Variants in RPN2 observed in about 807,000 individuals in gnomAD.
The protein encoded by RPN2 is ribophorin II, also known as dolichyl-diphosphooligosaccharide--protein glycosyltransferase subunit 2.
In RPN2, 29 loss-of-function variants were observed where a neutral mutation model predicts 71.4. That is an observed-to-expected ratio of 0.41 (90% CI 0.30 to 0.55). The LOEUF (loss-of-function observed/expected upper bound fraction) is 0.55. RPN2 is among the 20% of genes least tolerant of loss of function. The pLI is 0.35. For synonymous variants in RPN2, 308 were observed against 305.0 expected, an observed-to-expected ratio of 1.01 and a Z score of -0.10; for missense variants, 726 against 774.1, an observed-to-expected ratio of 0.94 and a Z score of 0.74.
At chr20:37,231,184 A>G (rs921653916) in intron 13 of RPN2, among the ~76,000 whole-genome samples, 11 of 152,002 alleles carry the variant, frequency 7.2e-5, no homozygotes, top group Admixed American at 1.3e-4. Flanking sequence ...CCCACCCCCA[A>G]TTTTCCAGCT....
At chr20:37,224,023 G>A in intron 10 of RPN2, 54 bp downstream of exon 10, 2 of 1,478,482 alleles carry the variant, frequency 1.4e-6, no homozygotes, top group Non-Finnish European at 1.9e-6. Context: ...GAGCTGAGAG[G>A]AGTATGCCTA....
intron 11 of RPN2, among the ~76,000 whole-genome samples, chr20:37,227,340 T>C (rs1332924834): frequency 6.6e-6 from 1 of 152,260 alleles, no homozygotes; most frequent in African/African-American, 2.4e-5. Flanking sequence ...TTTCACTGAA[T>C]ACTTGTCTCA....
At chr20:37,186,761 T>A (rs2067018338) in intron 2 of RPN2, among the ~76,000 whole-genome samples, 1 of 152,186 alleles carries the variant, frequency 6.6e-6, no homozygotes, top group South Asian at 2.1e-4. Flanking sequence ...CTTAAGACTC[T>A]TTTCACCGAT....
chr20:37,216,991 C>T (rs1198060975), intron 9 of RPN2, among the ~76,000 whole-genome samples: 7 of 151,282 alleles, frequency 4.6e-5, no homozygotes, highest in East Asian at 1.9e-4. Flanking sequence ...AGTGCAGTGG[C>T]GTGATCATGG....
At chr20:37,195,747 A>G (rs747673353) in intron 2 of RPN2, among the ~76,000 whole-genome samples, 1 of 152,172 alleles carries the variant, frequency 6.6e-6, no homozygotes, top group Non-Finnish European at 1.5e-5. Flanking sequence ...GACAAAGCAC[A>G]CATTTTCAGC....
rs922122538 is a variant in RPN2, at chr20:37,237,591, C to T, written c.1883+882C>T. Among the ~76,000 whole-genome samples the T allele has an allele frequency of 6.6e-5, 10 of 152,214 alleles. No homozygotes were observed. The East Asian group carries it at 1.2e-3, about 18-fold the overall frequency. Reference sequence around the variant, plus strand: ...TGGGAGAAGATGTCTCATCTCCGCCCGAGTCTCCATTGTGAGCTTTCTGAG... The same window carrying T: ...TGGGAGAAGATGTCTCATCTCCGCCTGAGTCTCCATTGTGAGCTTTCTGAG... On this transcript the variant is annotated intron_variant, in intron 16 of 16. Transcript: ENST00000237530.
At chr20:37,235,854 T>G (rs1384463991) in intron 15 of RPN2, among the ~76,000 whole-genome samples, 1 of 152,116 alleles carries the variant, frequency 6.6e-6, no homozygotes, top group Non-Finnish European at 1.5e-5. Context: ...TTCACCATGT[T>G]GGCCAGGGTG....
At chr20:37,213,248 G>T (rs900320665) in intron 8 of RPN2, among the ~76,000 whole-genome samples, 1 of 152,170 alleles carries the variant, frequency 6.6e-6, no homozygotes, top group Non-Finnish European at 1.5e-5. Flanking sequence ...TTTAGGAGTG[G>T]TGGGAGTAAC....
intron 1 of RPN2, among the ~76,000 whole-genome samples, chr20:37,182,957 T>TCA (rs1418294274): frequency 6.6e-6 from 1 of 152,232 alleles, no homozygotes; most frequent in Non-Finnish European, 1.5e-5. Flanking sequence ...TTTCATTTAT[T>TCA]CAGCAAATAT....
chr20:37,189,490 C>T (rs1240506776), intron 2 of RPN2, among the ~76,000 whole-genome samples: 4 of 152,150 alleles, frequency 2.6e-5, no homozygotes, highest in African/African-American at 7.2e-5. Flanking sequence ...GTTTGCTAAT[C>T]GCAGCTATAT....
At chr20:37,186,381 G>C (rs1470966424) in intron 2 of RPN2, among the ~76,000 whole-genome samples, 1 of 152,222 alleles carries the variant, frequency 6.6e-6, no homozygotes, top group African/African-American at 2.4e-5. Flanking sequence ...CTCCAAATCT[G>C]TAGGGACTTT....
intron 2 of RPN2, among the ~76,000 whole-genome samples, chr20:37,190,670 C>T (rs2146532745): frequency 6.6e-6 from 1 of 152,232 alleles, no homozygotes; most frequent in East Asian, 1.9e-4. Flanking sequence ...GCTTAGCATA[C>T]ATCTGACACA....
chr20:37,184,166 TG>T lies in RPN2; in HGVS notation c.14-13del. On this transcript the variant is annotated splice_polypyrimidine_tract_variant and intron_variant, in intron 1 of 16. Transcript: ENST00000237530. ...AAGAGTGTAGAGTGTACTGAATGGT[TG>T]TTTCCCCCCAAGGTTCAAGCACTGT... The T allele has an allele frequency of 3.7e-6, 6 of 1,614,160 alleles. No individual in the cohort carries two copies. The highest frequency in any genetic ancestry group is 5.1e-6 in the Non-Finnish European group (6 of 1,180,012).
chr20:37,200,420 T>C (rs752586704), intron 4 of RPN2: 7 of 521,516 alleles, frequency 1.3e-5, no homozygotes, highest in Non-Finnish European at 2.3e-5. Flanking sequence ...TTTATTTGTG[T>C]TCACCGTTTC....
At chr20:37,229,905 ATATTATC>A (rs879222902) in intron 12 of RPN2, 61 bp from the exon 13 acceptor site, 1 of 1,168,018 alleles carries the variant, frequency 8.6e-7, no homozygotes, top group Admixed American at 1.7e-5. Context: ...GAGTCAGAGA[ATATTATC>A]TATTGAGTTT....
chr20:37,230,763 G>A (rs1243344058), intron 13 of RPN2, among the ~76,000 whole-genome samples: 1 of 152,116 alleles, frequency 6.6e-6, no homozygotes, highest in Non-Finnish European at 1.5e-5. Flanking sequence ...TCAAAGGGTA[G>A]AGTAGTAGGA....
chr20:37,238,371 C>T, intron 16 of RPN2: 1 of 1,585,956 alleles, frequency 6.3e-7, no homozygotes, highest in South Asian at 1.1e-5. Flanking sequence ...ACTGTCCTTT[C>T]TTGATTCTCA....
chr20:37,241,252 CTG>C lies in RPN2; in HGVS notation c.1884-48_1884-47del, dbSNP rs780025909. ...TGTTGTCACCAGTTAGGAACTGTAA[CTG>C]TGAACTGAAACCTTCAGTAATTCTG... On this transcript the variant is annotated intron_variant, in intron 16 of 16. Transcript: ENST00000237530. The C allele has an allele frequency of 2.4e-5, 38 of 1,607,680 alleles. No homozygotes were observed. In the Admixed American group the frequency reaches 4.0e-4, roughly 17 times the overall value.
Position 37,223,899 on chromosome 20 carries a change from G to A in RPN2, c.1114G>A (p.Glu372Lys). 6.2e-7 allele frequency: 1 copy of A among 1,614,130 alleles called. No individual in the cohort carries two copies. Among genetic ancestry groups the A allele is most frequent in the South Asian group, 1.1e-5 (1 of 91,080 alleles). The change falls in exon 10 of 17, where the codon GAA becomes AAA. Residue 372 changes from glutamate to lysine, a missense_variant. Coordinates refer to ENST00000237530, the MANE Select transcript of RPN2 (RefSeq NM_002951.5). ...TVELRVKIST[E>K]VGITNVDLST... ...CTAGCTCAGAGTCAAGATCTCCACT[G>A]AAGTTGGCATCACAAATGTTGATCT...
Sources: gnomAD v4.1 joint callset for allele counts (sites outside exome capture counted in the v4.1 genomes callset) on GRCh38, gnomAD v4.1.1 for gene constraint, MANE v1.5 for transcripts, NCBI Gene and HGNC (gene_info 2026-07-23, HGNC 2026-07-21) for gene names.